DIP2A: variants seen among roughly 807,000 people sequenced by gnomAD.
The protein encoded by DIP2A is DIP2 acetate--CoA ligase A.
DIP2A carries 85 observed loss-of-function variants against 177.4 expected under a neutral mutation model. The observed-to-expected ratio is 0.48, with a 90% CI of 0.40 to 0.57. The LOEUF is 0.57. Ranked by LOEUF, DIP2A falls within the 20% of genes least tolerant of loss-of-function variation. The probability of loss-of-function intolerance (pLI) is 0.00; values close to 1 mark genes in which losing one functional copy is unlikely to be tolerated. For synonymous variants in DIP2A, 886 were observed against 881.8 expected, an observed-to-expected ratio of 1.00 and a Z score of -0.08; for missense variants, 1,791 against 2,100.2, an observed-to-expected ratio of 0.85 and a Z score of 2.88.
chr21:46,465,909 CT>C (rs913898951), intron 1 of DIP2A, among the ~76,000 whole-genome samples: 1 of 152,046 alleles, frequency 6.6e-6, no homozygotes, highest in African/African-American at 2.4e-5. Flanking sequence ...GCCATTTTTG[CT>C]TGAAAAAGTG....
At chr21:46,545,381 C>A in intron 19 of DIP2A, 108 bp downstream of exon 19, 1 of 1,335,860 alleles carries the variant, frequency 7.5e-7, no homozygotes, top group Non-Finnish European at 1.0e-6. Context: ...GGGATGGTCT[C>A]CTTCCACACA....
chr21:46,571,430 G>A (rs1474722970), downstream of DIP2A, among the ~76,000 whole-genome samples: 1 of 152,204 alleles, frequency 6.6e-6, no homozygotes, highest in African/African-American at 2.4e-5. Context: ...TTCTAATTCT[G>A]TGAAGAAAGT....
rs1416252334 is a variant in DIP2A, at chr21:46,532,230, CAAGA to C, written c.1302_1305del (p.Lys435MetfsTer20). ...CCTGTCCCCATAGAAGTGCCATTAA[CAAGA>C]AAGGTAGCAAACCCATGGCTCAGGT... is the stretch of plus-strand genomic sequence containing the variant. On this transcript the variant is annotated frameshift_variant, in exon 10 of 38. Transcript: ENST00000417564. LOFTEE classifies it high-confidence loss of function. The C allele has an allele frequency of 6.2e-7, 1 of 1,613,534 alleles. No homozygotes were observed. The highest frequency in any genetic ancestry group is 8.5e-7 in the Non-Finnish European group (1 of 1,179,704).
chr21:46,484,632 T>C, intron 1 of DIP2A, 125 bp from the exon 2 acceptor site: 1 of 789,096 alleles, frequency 1.3e-6, no homozygotes, highest in Non-Finnish European at 2.0e-6. Flanking sequence ...CATTATAGTT[T>C]ATTTGTCCAG....
At chr21:46,582,355 T>G in the DIP2A span, among the ~76,000 whole-genome samples, 2 of 152,140 alleles carry the variant, frequency 1.3e-5, no homozygotes, top group Admixed American at 1.3e-4. Context: ...CCCTAGGTAC[T>G]CAGTTGTCTT....
intron 8 of DIP2A, among the ~76,000 whole-genome samples, chr21:46,522,003 G>A (rs2096507): frequency 0.48 from 72,946 of 152,052 alleles, 17,819 homozygotes; most frequent in African/African-American, 0.54. Context: ...AGTCTCAAGT[G>A]CATGTTACAT....
intron 8 of DIP2A, among the ~76,000 whole-genome samples, chr21:46,515,726 C>T (rs981730026): frequency 4.9e-5 from 7 of 142,428 alleles, no homozygotes; most frequent in Admixed American, 4.9e-4. Flanking sequence ...TTAGTGTAGT[C>T]GAGGTCTCGC....
Position 46,557,584 on chromosome 21 carries a change from G to T in DIP2A, c.3630-1G>T. 1 of 1,606,506 alleles carries T rather than the reference G, an allele frequency of 6.2e-7. No homozygotes were observed. Among genetic ancestry groups the T allele is most frequent in the Non-Finnish European group, 8.5e-7 (1 of 1,174,562 alleles). ...AGCCTCACGAGCCTTCCCTCTCGCA[G>T]TGTCTACTCGGGACACCAATCAGTG... On this transcript the variant is annotated splice_acceptor_variant, in intron 30 of 37. Transcript: ENST00000417564. LOFTEE classifies it high-confidence loss of function. This position sits in a 1 kb window ranked among gnomAD's most constrained non-coding sequence, Gnocchi z 6.0.
At chr21:46,572,615 T>G (rs1286213432), downstream of DIP2A, among the ~76,000 whole-genome samples, 1 of 152,200 alleles carries the variant, frequency 6.6e-6, no homozygotes, top group African/African-American at 2.4e-5. Context: ...CCCCACCATA[T>G]GATGCCCTGC....
chr21:46,572,143 T>A (rs935840509), downstream of DIP2A, among the ~76,000 whole-genome samples: 1 of 152,174 alleles, frequency 6.6e-6, no homozygotes, highest in African/African-American at 2.4e-5. Context: ...AAATAAAAAA[T>A]TTTTAGAGAA....
intron 23 of DIP2A, 84 bp downstream of exon 23, chr21:46,550,828 C>T (rs2060245462): frequency 6.5e-6 from 9 of 1,376,688 alleles, no homozygotes; most frequent in East Asian, 2.4e-5. Flanking sequence ...CCCTGCTAGA[C>T]CTCCAGTGCC....
chr21:46,468,105 TA>T (rs966901037), intron 1 of DIP2A, among the ~76,000 whole-genome samples: 19 of 143,746 alleles, frequency 1.3e-4, no homozygotes, highest in East Asian at 2.0e-4. Context: ...CTCTACTAAA[TA>T]AAAAAAAAAA....
chr21:46,575,742 C>T, the DIP2A span, among the ~76,000 whole-genome samples: 9,256 of 152,106 alleles, frequency 0.061, 749 homozygotes, highest in African/African-American at 0.19. Context: ...TGGAAAACAT[C>T]GAACAATACA....
intron 6 of DIP2A, among the ~76,000 whole-genome samples, chr21:46,506,886 C>T (rs1470639511): frequency 3.3e-5 from 5 of 149,546 alleles, no homozygotes; most frequent in African/African-American, 1.2e-4. Flanking sequence ...CTGCAACATC[C>T]ACCTCCCAGG....
intron 2 of DIP2A, among the ~76,000 whole-genome samples, chr21:46,487,156 G>T (rs913648348): frequency 6.6e-6 from 1 of 152,144 alleles, no homozygotes; most frequent in Non-Finnish European, 1.5e-5. Flanking sequence ...AACCTATGTG[G>T]TGGTTACATT....
intron 21 of DIP2A, 43 bp from the exon 22 acceptor site, chr21:46,549,728 T>A (rs373322734): frequency 3.1e-6 from 5 of 1,608,876 alleles, no homozygotes; most frequent in South Asian, 2.2e-5. Context: ...TGTGTCTTGT[T>A]TGGCCTCTTG....
chr21:46,563,979 G>C lies in DIP2A; in HGVS notation c.4164+47G>C, dbSNP rs773827172. The stretch of plus-strand genomic sequence containing the variant: ...GGGCTTGAGCTCTCCAGCCTCACCA[G>C]CTTCACCTTCCTTCCCTTTTTGCTT... On this transcript the variant is annotated intron_variant, in intron 35 of 37. Transcript: ENST00000417564. The surrounding 1 kb of genome is among the most constrained non-coding windows in gnomAD (Gnocchi z 4.3). 6.3e-7 allele frequency: 1 copy of C among 1,574,892 alleles called. No homozygotes were observed. The highest frequency in any genetic ancestry group is 8.6e-7 in the Non-Finnish European group (1 of 1,160,538).
intron 12 of DIP2A, 145 bp downstream of exon 12, chr21:46,534,258 G>A (rs2059469506): frequency 8.8e-6 from 6 of 682,722 alleles, no homozygotes; most frequent in East Asian, 2.7e-5. Flanking sequence ...GAAATACAGA[G>A]TGTCATATAA....
rs916208281 is a variant in DIP2A at position 46,540,125 on chromosome 21, C to G, written c.2036+134C>G. 70 of 703,716 alleles carry G rather than the reference C, an allele frequency of 9.9e-5. 1 individual carries two copies. Among genetic ancestry groups the G allele is most frequent in the Middle Eastern group, 8.7e-4 (3 of 3,438 alleles). The allele number at this position is 703,716 out of a possible 1,614,324, so 43.6% of individuals were successfully genotyped here. On this transcript the variant is annotated intron_variant, in intron 17 of 37. Transcript: ENST00000417564. ...GCAGTAGTACCTTGGTGCCTGGCCC[C>G]CCACATTTTGCCGGCTTGGGTTTGT...
Sources: gnomAD v4.1 joint callset for allele counts (sites outside exome capture counted in the v4.1 genomes callset) on GRCh38, gnomAD v4.1.1 for gene constraint, Gnocchi (gnomAD v3.1) non-coding constraint, MANE v1.5 for transcripts, NCBI Gene and HGNC (gene_info 2026-07-23, HGNC 2026-07-21) for gene names.